PLXNA1: variants seen among roughly 807,000 people sequenced by gnomAD.
PLXNA1 encodes the protein plexin A1, also known as plexin-A1.
Under a neutral mutation model 191.7 loss-of-function variants are expected in PLXNA1, and 77 were observed. That is an observed-to-expected ratio of 0.40 (90% confidence interval 0.33 to 0.49). The LOEUF is 0.49. Among genes scored for constraint, PLXNA1 ranks in the 20% least tolerant of loss-of-function variants. The pLI, the probability that PLXNA1 is intolerant of heterozygous loss-of-function variation, is 0.63. For missense variants in PLXNA1, 2,110 were observed against 2,660.2 expected, an observed-to-expected ratio of 0.79 and a Z score of 4.55; for synonymous variants, 1,137 against 1,156.4, an observed-to-expected ratio of 0.98 and a Z score of 0.34.
At chr3:127,010,846 C>T (rs57271377) in intron 9 of PLXNA1, among the ~76,000 whole-genome samples, 16,958 of 152,278 alleles carry the variant, frequency 0.11, 1,017 homozygotes, top group Middle Eastern at 0.22. Flanking sequence ...GGCTGAGCTG[C>T]CTGGGCTCCT....
At chr3:127,004,748 G>A (rs778067096) in intron 5 of PLXNA1, 37 bp downstream of exon 5, 2 of 1,581,518 alleles carry the variant, frequency 1.3e-6, no homozygotes, top group Non-Finnish European at 1.7e-6. Context: ...AGGCGGGGAG[G>A]GCCATGGTGG....
In PLXNA1 at chr3:127,029,882, C is replaced by T. The variant is rs1318286613; in HGVS notation, c.4879C>T (p.Leu1627=). ...ACAGCCTGGTGCTGCAGAGAGCATG[C>T]TGCGCACGGCCAGCAGCCCCGACAG... ...TKSLSRYESM[L]RTASSPDSLR... The change falls in exon 28 of 32, where the codon CTG becomes TTG. Residue 1627 remains leucine (L), a synonymous_variant. Coordinates refer to ENST00000393409, the MANE Select transcript of PLXNA1 (RefSeq NM_032242.4). The T allele has an allele frequency of 6.2e-7, 1 of 1,608,098 alleles. No individual in the cohort carries two copies. The highest frequency in any genetic ancestry group is 8.5e-7 in the Non-Finnish European group (1 of 1,176,214).
At chr3:127,033,696 G>A (rs1202107328) in intron 31 of PLXNA1, among the ~76,000 whole-genome samples, 1 of 152,170 alleles carries the variant, frequency 6.6e-6, no homozygotes, top group Non-Finnish European at 1.5e-5. Flanking sequence ...AGGCAGCCAA[G>A]GGATCAGAGC....
At chr3:127,026,661 C>T (rs1467190112) in intron 23 of PLXNA1, 1 of 152,258 alleles carries the variant, frequency 6.6e-6, no homozygotes, top group Non-Finnish European at 1.5e-5. Flanking sequence ...ATGGTCTTAA[C>T]AGCTGTCTCT....
chr3:127,035,424 C>A lies in PLXNA1; in HGVS notation c.*1407C>A, dbSNP rs1429870179. ...GGAGCAGCCCTGAAGCCTGTGCCCCCCGACCTGCGGGCCGCTGTTTTGGTT... is the reference window on the plus strand; with the variant it reads ...GGAGCAGCCCTGAAGCCTGTGCCCCACGACCTGCGGGCCGCTGTTTTGGTT... On this transcript the variant is annotated 3_prime_UTR_variant, in exon 32 of 32. Transcript: ENST00000393409. 1 of 152,272 alleles carries A rather than the reference C, an allele frequency of 6.6e-6. No homozygotes were observed. The highest frequency in any genetic ancestry group is 1.5e-5 in the Non-Finnish European group (1 of 68,006). The allele number at this position is 152,272 out of a possible 1,614,324, so 9.4% of individuals were successfully genotyped here. A position where few individuals can be genotyped will look rare whatever the true frequency, so the allele number is the denominator to read the frequency against.
chr3:127,004,620 G>A lies in PLXNA1; in HGVS notation c.1528G>A (p.Val510Met). The change falls in exon 5 of 32, where the codon GTG (valine) becomes ATG (methionine). Residue 510 changes from valine (V) to methionine (M), a missense_variant. By Grantham distance (21) the Val-to-Met change is conservative. Around this residue, in one of 4 missense-constraint regions of PLXNA1, gnomAD observed 903 missense variants for 1,015.7 expected, o/e 0.89. Transcript: ENST00000393409. The part of the protein sequence containing the change: ...YAMTEKQVTR[V>M]PVESCVQYTS... Reference sequence around the variant, plus strand: ...ACCTCCCCCACACCAGGTGACGCGGGTGCCTGTGGAGAGCTGTGTGCAGTA... The same window carrying A: ...ACCTCCCCCACACCAGGTGACGCGGATGCCTGTGGAGAGCTGTGTGCAGTA... 2 of 1,572,520 alleles carry A rather than the reference G, an allele frequency of 1.3e-6. No individual in the cohort carries two copies. The highest frequency in any genetic ancestry group is 8.6e-7 in the Non-Finnish European group (1 of 1,158,838).
intron 20 of PLXNA1, among the ~76,000 whole-genome samples, chr3:127,019,670 C>T (rs909921299): frequency 1.3e-5 from 2 of 152,234 alleles, no homozygotes; most frequent in South Asian, 2.1e-4. Context: ...CCTCGGGCTG[C>T]CACAGGACTG....
chr3:127,002,811 C>T (rs921394589), intron 3 of PLXNA1, among the ~76,000 whole-genome samples: 3 of 152,188 alleles, frequency 2.0e-5, no homozygotes, highest in Middle Eastern at 3.2e-3. Context: ...GCCGATGAGA[C>T]GCCCACCCTC....
chr3:127,008,863 A>G (rs2079081332), intron 9 of PLXNA1, among the ~76,000 whole-genome samples: 1 of 152,136 alleles, frequency 6.6e-6, no homozygotes, highest in African/African-American at 2.4e-5. Flanking sequence ...CTGGCATGAC[A>G]TCAGGGCACA....
intron 9 of PLXNA1, 105 bp downstream of exon 9, chr3:127,008,018 T>C (rs1450699282): frequency 2.8e-6 from 2 of 709,720 alleles, no homozygotes; most frequent in Non-Finnish European, 4.7e-6. Context: ...GGAGCACCTG[T>C]GGATGTCTGG....
At chr3:126,993,732 G>A (rs2079002294) in intron 3 of PLXNA1, among the ~76,000 whole-genome samples, 1 of 152,242 alleles carries the variant, frequency 6.6e-6, no homozygotes. Context: ...TGCAGTCGGG[G>A]ACTTGGGTCT....
chr3:127,002,230 G>T (rs539851793), intron 3 of PLXNA1, among the ~76,000 whole-genome samples: 2 of 152,350 alleles, frequency 1.3e-5, no homozygotes, highest in African/African-American at 4.8e-5. Flanking sequence ...CCCAGCTTTG[G>T]GCTCCACTCT....
Position 127,032,904 on chromosome 3 carries a change from C to G in PLXNA1, c.5595+68C>G. On this transcript the variant is annotated intron_variant, in intron 31 of 31. Transcript: ENST00000393409. ...CCGGCCCCTGCCAGAGTCACCTGCT[C>G]TGCCCCGCCCTGCCACTCCTCCCTG... 3 of 1,467,102 alleles carry G rather than the reference C, an allele frequency of 2.0e-6. No homozygotes were observed. The South Asian group carries it at 3.8e-5, about 18-fold the overall frequency. The allele number at this position is 1,467,102 out of a possible 1,614,324, so 90.9% of individuals were successfully genotyped here.
chr3:127,028,942 G>C, intron 25 of PLXNA1, 51 bp from the exon 26 acceptor site: 1 of 1,429,186 alleles, frequency 7.0e-7, no homozygotes, highest in Non-Finnish European at 9.8e-7. Context: ...TGTGATGGAG[G>C]AGGGAAAGAG....
At chr3:127,023,788 G>T (rs761188120) in intron 23 of PLXNA1, among the ~76,000 whole-genome samples, 4 of 152,156 alleles carry the variant, frequency 2.6e-5, no homozygotes, top group African/African-American at 4.8e-5. Context: ...CAGCAGACAG[G>T]CAATGGGGCA....
intron 20 of PLXNA1, 57 bp from the exon 21 acceptor site, chr3:127,020,145 G>A (rs1293133922): frequency 6.3e-7 from 1 of 1,592,754 alleles, no homozygotes; most frequent in Non-Finnish European, 8.6e-7. Context: ...TGGGAGGGTT[G>A]GGGCATGGAG....
At position 126,989,376 on chromosome 3, in the gene PLXNA1, G is replaced by A. The variant is rs747738796; in HGVS notation, c.783G>A (p.Leu261=). 3 of 1,613,604 alleles carry A rather than the reference G, an allele frequency of 1.9e-6. No individual in the cohort carries two copies. The highest frequency in any genetic ancestry group is 3.3e-5 in the Admixed American group (2 of 60,036). The change falls in exon 2 of 32, where the codon CTG becomes CTA. Residue 261 remains leucine (L), a synonymous_variant. Coordinates refer to ENST00000393409, the MANE Select transcript of PLXNA1 (RefSeq NM_032242.4). ...RSEQFVYYLT[L]QLDTQLTSPD... The stretch of plus-strand genomic sequence containing the variant: ...AGCAGTTTGTCTACTACCTCACGCT[G>A]CAGCTAGACACACAGCTGACCTCGC...
intron 23 of PLXNA1, among the ~76,000 whole-genome samples, chr3:127,024,586 A>G (rs937149178): frequency 1.3e-5 from 2 of 152,148 alleles, no homozygotes; most frequent in African/African-American, 4.8e-5. Flanking sequence ...TTCACAGCCC[A>G]TGCCCATGAC....
At chr3:127,013,509 C>T (rs1392769708) in intron 10 of PLXNA1, among the ~76,000 whole-genome samples, 1 of 152,226 alleles carries the variant, frequency 6.6e-6, no homozygotes, top group Non-Finnish European at 1.5e-5. Context: ...GGCAGTTCCC[C>T]TGGGCCCAGC....
Sources: allele counts gnomAD v4.1 joint callset (sites outside exome capture counted in the v4.1 genomes callset), GRCh38; gene constraint gnomAD v4.1.1; regional missense constraint gnomAD v4.1.1; transcripts MANE v1.5; gene names NCBI Gene and HGNC (gene_info 2026-07-23, HGNC 2026-07-21).